ENPP4: variants seen among roughly 807,000 people sequenced by gnomAD.
The protein encoded by ENPP4 is ectonucleotide pyrophosphatase/phosphodiesterase 4.
In ENPP4, 18 loss-of-function variants were observed where a neutral mutation model predicts 33.4. The observed-to-expected ratio is 0.54, with a 90% CI of 0.37 to 0.80. The LOEUF (loss-of-function observed/expected upper bound fraction) is 0.80, where lower values mean the gene tolerates loss of function less well. Among genes scored for constraint, ENPP4 ranks in the 30% least tolerant of loss-of-function variants. The pLI, the probability that ENPP4 is intolerant of heterozygous loss-of-function variation, is 0.00. For synonymous variants in ENPP4, 172 were observed against 189.9 expected, an observed-to-expected ratio of 0.91 and a Z score of 0.78; for missense variants, 480 against 541.7, an observed-to-expected ratio of 0.89 and a Z score of 1.13.
chr6:46,139,683 G>T lies in ENPP4; in HGVS notation c.100G>T (p.Asp34Tyr). 1 of 1,610,602 alleles carries T rather than the reference G, an allele frequency of 6.2e-7. No homozygotes were observed. The highest frequency in any genetic ancestry group is 8.5e-7 in the Non-Finnish European group (1 of 1,177,558). The change falls in exon 2 of 4, where the codon GAT becomes TAT. Residue 34 changes from aspartate (D) to tyrosine (Y), a missense_variant. By Grantham distance (160) the Asp-to-Tyr change is radical (BLOSUM62 -3). Transcript: ENST00000321037. Reference sequence around the variant, plus strand: ...ACCTAAGTTACTACTAGTATCCTTTGATGGCTTCAGAGCTGATTATCTGAA... The same window carrying T: ...ACCTAAGTTACTACTAGTATCCTTTTATGGCTTCAGAGCTGATTATCTGAA... ...LPPKLLLVSF[D>Y]GFRADYLKNY...
intron 1 of ENPP4, among the ~76,000 whole-genome samples, chr6:46,136,302 A>T (rs1302734405): frequency 2.0e-5 from 3 of 152,016 alleles, no homozygotes; most frequent in African/African-American, 7.2e-5. Context: ...TGGCACATAC[A>T]TATACTTTTG....
At chr6:46,134,598 T>A (rs539850344) in intron 1 of ENPP4, among the ~76,000 whole-genome samples, 1 of 152,266 alleles carries the variant, frequency 6.6e-6, no homozygotes, top group African/African-American at 2.4e-5. Flanking sequence ...AGTATAAAAT[T>A]CACTTTTTTG....
rs202137151 is a variant in ENPP4 at position 46,143,503 on chromosome 6, G to A, written c.1225G>A (p.Ala409Thr). Residue 409 changes from alanine to threonine, a missense_variant, in exon 4 of 4, where the codon GCG becomes ACG. By Grantham distance (58) the Ala-to-Thr change is moderately conservative. Around this residue, in one of 3 missense-constraint regions of ENPP4, gnomAD observed 249 missense variants for 251.8 expected, o/e 0.99. Coordinates refer to ENST00000321037, the MANE Select transcript of ENPP4 (RefSeq NM_014936.5). ...QWCINLPEAIAIVIGSLLVLT... is the reference protein window; with the variant it reads ...QWCINLPEAITIVIGSLLVLT... ...GTGCATTAATCTCCCAGAAGCCATC[G>A]CGATTGTTATCGGTTCACTCTTGGT... 67 of 1,612,812 alleles carry A rather than the reference G, an allele frequency of 4.2e-5. No homozygotes were observed. The East Asian group carries it at 1.0e-3, about 25-fold the overall frequency.
At chr6:46,133,603 T>C (rs1763934803) in intron 1 of ENPP4, among the ~76,000 whole-genome samples, 1 of 152,210 alleles carries the variant, frequency 6.6e-6, no homozygotes, top group Non-Finnish European at 1.5e-5. Flanking sequence ...GACTAACTCA[T>C]ACTTCCATTT....
chr6:46,142,624 G>A (rs1254887920), intron 3 of ENPP4, among the ~76,000 whole-genome samples: 1 of 150,812 alleles, frequency 6.6e-6, no homozygotes, highest in Admixed American at 6.7e-5. Flanking sequence ...TCATCACCCA[G>A]TCACCCGTAC....
intron 1 of ENPP4, among the ~76,000 whole-genome samples, chr6:46,132,017 T>A (rs1763909193): frequency 6.6e-6 from 1 of 152,232 alleles, no homozygotes; most frequent in South Asian, 2.1e-4. Context: ...TTTTTTCTTG[T>A]AAATTTGTTT....
At chr6:46,131,387 C>A (rs1486553798) in intron 1 of ENPP4, among the ~76,000 whole-genome samples, 1 of 151,308 alleles carries the variant, frequency 6.6e-6, no homozygotes, top group South Asian at 2.1e-4. Context: ...TCAATTCCCA[C>A]CTATGAGTGA....
chr6:46,133,566 A>C (rs1763934320), intron 1 of ENPP4, among the ~76,000 whole-genome samples: 1 of 152,202 alleles, frequency 6.6e-6, no homozygotes, highest in African/African-American at 2.4e-5. Flanking sequence ...CAGAGAAATT[A>C]GAAGGTAGTT....
At chr6:46,134,005 G>A (rs1271257140) in intron 1 of ENPP4, among the ~76,000 whole-genome samples, 2 of 152,060 alleles carry the variant, frequency 1.3e-5, no homozygotes, top group African/African-American at 4.8e-5. Context: ...TTCTGAGCCC[G>A]GCTAATCACT....
intron 3 of ENPP4, among the ~76,000 whole-genome samples, chr6:46,142,943 T>C (rs1764087801): frequency 1.3e-5 from 2 of 151,794 alleles, no homozygotes; most frequent in African/African-American, 4.8e-5. Flanking sequence ...TCTTTATAAC[T>C]GGTACTGCTT....
In ENPP4 at chr6:46,140,258, G is replaced by A. The variant is rs779530304; in HGVS notation, c.675G>A (p.Gly225=). Residue 225 remains glycine, a synonymous_variant, in exon 2 of 4, where the codon GGG becomes GGA. Coordinates refer to ENST00000321037, the MANE Select transcript of ENPP4 (RefSeq NM_014936.5). The part of the protein sequence containing the change: ...GDLVQRLKML[G]LWENLNVIIT... ...TAGTCCAAAGACTCAAGATGTTAGG[G>A]CTATGGGAAAATCTTAATGTGATCA... is the stretch of plus-strand genomic sequence containing the variant. The A allele has an allele frequency of 1.9e-6, 3 of 1,612,328 alleles. No individual in the cohort carries two copies. In the African/African-American group the frequency reaches 4.0e-5, roughly 22 times the overall value.
In ENPP4 at chr6:46,139,556, C is replaced by T; in HGVS notation, c.-28C>T. Reference sequence around the variant, plus strand: ...GTTGTGTTTTTACATTTTAGGAACCCTGATTGCTGTCCTTCAACGTGTTCA... The same window carrying T: ...GTTGTGTTTTTACATTTTAGGAACCTTGATTGCTGTCCTTCAACGTGTTCA... On this transcript the variant is annotated 5_prime_UTR_variant, in exon 2 of 4. Transcript: ENST00000321037. The T allele has an allele frequency of 8.4e-7, 1 of 1,183,510 alleles. No homozygotes were observed. 73.3% of individuals were successfully genotyped at this position (1,183,510 alleles called of 1,614,324 possible). A position where few individuals can be genotyped will look rare whatever the true frequency, so the allele number is the denominator to read the frequency against.
At position 46,140,126 on chromosome 6, in the gene ENPP4, A is replaced by G. The variant is rs558609000; in HGVS notation, c.543A>G (p.Ala181=). ...ATTCGAACCCACCAGTCACCTTTGCAACACTATATTGGGAAGAACCAGATG... is the reference window on the plus strand; with the variant it reads ...ATTCGAACCCACCAGTCACCTTTGCGACACTATATTGGGAAGAACCAGATG... ...LNNSNPPVTF[A]TLYWEEPDAS... is the part of the protein sequence containing the mutation. The change falls in exon 2 of 4, where the codon GCA becomes GCG. Residue 181 remains alanine (A), a synonymous_variant. Coordinates refer to ENST00000321037, the MANE Select transcript of ENPP4 (RefSeq NM_014936.5). The G allele has an allele frequency of 9.5e-5, 154 of 1,612,660 alleles. 3 individuals are homozygous for G. The South Asian group carries it at 1.6e-3, about 17-fold the overall frequency.
At chr6:46,134,790 T>A (rs1333729683) in intron 1 of ENPP4, among the ~76,000 whole-genome samples, 5 of 152,030 alleles carry the variant, frequency 3.3e-5, no homozygotes, top group African/African-American at 1.2e-4. Flanking sequence ...CACAATCAAT[T>A]TGAAAACATT....
chr6:46,140,104 C>G lies in ENPP4; in HGVS notation c.521C>G (p.Ser174Trp), dbSNP rs766472788. Reference sequence around the variant, plus strand: ...AATATTACTATGTGGCTAAACAATTCGAACCCACCAGTCACCTTTGCAACA... The same window carrying G: ...AATATTACTATGTGGCTAAACAATTGGAACCCACCAGTCACCTTTGCAACA... ...LNNITMWLNN[S>W]NPPVTFATLY... The change falls in exon 2 of 4, where the codon TCG becomes TGG. Residue 174 changes from serine (S) to tryptophan (W), a missense_variant. By Grantham distance (177) the Ser-to-Trp change is radical (BLOSUM62 -3). Around this residue, in one of 3 missense-constraint regions of ENPP4, gnomAD observed 227 missense variants for 273.7 expected, o/e 0.83. Coordinates refer to ENST00000321037, the MANE Select transcript of ENPP4 (RefSeq NM_014936.5). 1.2e-6 allele frequency: 2 copies of G among 1,612,380 alleles called. No individual in the cohort carries two copies. Among genetic ancestry groups the G allele is most frequent in the South Asian group, 1.1e-5 (1 of 90,968 alleles).
chr6:46,141,332 T>G lies in ENPP4; in HGVS notation c.997+110T>G, dbSNP rs1764060284. ...TTTAAAGAAGTTCACACAGAATAAT[T>G]AGTTCAATTTTCAACCAGATAATTC... is the stretch of plus-strand genomic sequence containing the variant. On this transcript the variant is annotated intron_variant, in intron 3 of 3. Coordinates refer to ENST00000321037, the MANE Select transcript of ENPP4 (RefSeq NM_014936.5). 4.3e-6 allele frequency: 3 copies of G among 704,534 alleles called. No homozygotes were observed. The East Asian group carries it at 9.1e-5, about 21-fold the overall frequency. The allele number at this position is 704,534 out of a possible 1,614,324, so 43.6% of individuals were successfully genotyped here. A position where few individuals can be genotyped will look rare whatever the true frequency, so the allele number is the denominator to read the frequency against.
In ENPP4 at chr6:46,141,100, A is replaced by G; in HGVS notation, c.875A>G (p.Asn292Ser). ...NKLKNCSPHMNVYLKEDIPNR... is the reference protein window; with the variant it reads ...NKLKNCSPHMSVYLKEDIPNR... ...CTGAAAAACTGTAGCCCTCATATGA[A>G]TGTTTATCTCAAAGAAGACATTCCT... Residue 292 changes from asparagine to serine, a missense_variant, in exon 3 of 4, where the codon AAT becomes AGT. Coordinates refer to ENST00000321037, the MANE Select transcript of ENPP4 (RefSeq NM_014936.5). 2 of 1,607,560 alleles carry G rather than the reference A, an allele frequency of 1.2e-6. No individual in the cohort carries two copies. The highest frequency in any genetic ancestry group is 8.5e-7 in the Non-Finnish European group (1 of 1,175,338).
rs1221018429 is a variant in ENPP4, at chr6:46,144,847, C to A, written c.*1207C>A. 26 of 394,358 alleles carry A rather than the reference C, an allele frequency of 6.6e-5. No individual in the cohort carries two copies. Among genetic ancestry groups the A allele is most frequent in the Non-Finnish European group, 5.8e-5 (13 of 223,032 alleles). 24.4% of individuals were successfully genotyped at this position (394,358 alleles called of 1,614,324 possible). A position where few individuals can be genotyped will look rare whatever the true frequency, so the allele number is the denominator to read the frequency against. On this transcript the variant is annotated 3_prime_UTR_variant, in exon 4 of 4. Coordinates refer to ENST00000321037, the MANE Select transcript of ENPP4 (RefSeq NM_014936.5). The stretch of plus-strand genomic sequence containing the variant: ...GTTAAGTGGCAGAATAGCCTTAGTG[C>A]TACCTCCACTTTTTTCTCCAGTATT...
In ENPP4 at chr6:46,146,684, A is replaced by G. The variant is rs1055080238; in HGVS notation, c.*3044A>G. 1 of 152,022 alleles carries G rather than the reference A, an allele frequency of 6.6e-6. No homozygotes were observed. The highest frequency in any genetic ancestry group is 1.5e-5 in the Non-Finnish European group (1 of 67,906). The allele number at this position is 152,022 out of a possible 1,614,324, so 9.4% of individuals were successfully genotyped here. On this transcript the variant is annotated 3_prime_UTR_variant, in exon 4 of 4. Coordinates refer to ENST00000321037, the MANE Select transcript of ENPP4 (RefSeq NM_014936.5). ...AAAATTCTTACTGTAATTATTAAAT[A>G]TAAAGTTCAGTGTCACTGGTGATTT...
Sources: gnomAD v4.1 joint callset for allele counts (sites outside exome capture counted in the v4.1 genomes callset) on GRCh38, gnomAD v4.1.1 for gene constraint, gnomAD v4.1.1 regional missense constraint, MANE v1.5 for transcripts, NCBI Gene and HGNC (gene_info 2026-07-23, HGNC 2026-07-21) for gene names.